Variants in PLPP5 observed in about 807,000 individuals in gnomAD.
PLPP5 encodes diacylglycerol pyrophosphate like 1.
A neutral mutation model predicts 23.6 loss-of-function variants in PLPP5; 29 were observed. The observed-to-expected ratio is 1.23, with a 90% CI of 0.92 to 1.68. PLPP5 has a LOEUF of 1.68. Ranked by LOEUF, PLPP5 falls within the 40% of genes most tolerant of loss-of-function variation. The pLI is 0.00. For missense variants in PLPP5, 315 were observed against 332.1 expected (o/e 0.95, Z 0.40); for synonymous variants, 143 against 131.3 (o/e 1.09, Z -0.61).
intron 3 of PLPP5, 133 bp downstream of exon 3, chr8:38,268,238 C>T: frequency 6.5e-6 from 7 of 1,075,494 alleles, no homozygotes; most frequent in Non-Finnish European, 9.2e-6. Context: ...CTATTTTCCT[C>T]TCCCGCGGGG....
chr8:38,267,262 C>A lies in PLPP5; in HGVS notation c.463+5G>T. 6.2e-7 allele frequency: 1 copy of A among 1,613,956 alleles called. No homozygotes were observed. The highest frequency in any genetic ancestry group is 8.5e-7 in the Non-Finnish European group (1 of 1,179,872). On this transcript the variant is annotated splice_donor_5th_base_variant and intron_variant, in intron 5 of 6. Transcript: ENST00000424479. The stretch of plus-strand genomic sequence containing the variant: ...CATAGGGTAGAGTCCATATGATATT[C>A]ATACAGGAAGAATGTCCACTGGGGA...
At position 38,264,359 on chromosome 8, in the gene PLPP5, C is replaced by T. The variant is rs1807267172; in HGVS notation, c.*85G>A. On this transcript the variant is annotated 3_prime_UTR_variant, in exon 7 of 7. Transcript: ENST00000424479. Reference sequence around the variant, plus strand: ...GTTCACCATGTTGGCCAGGCTGGTCCTGACCTCAGGTGATCCACCCTCCTC... The same window carrying T: ...GTTCACCATGTTGGCCAGGCTGGTCTTGACCTCAGGTGATCCACCCTCCTC... The T allele has an allele frequency of 1.8e-6, 2 of 1,131,712 alleles. No homozygotes were observed. The highest frequency in any genetic ancestry group is 1.2e-6 in the Non-Finnish European group (1 of 826,674). The allele number at this position is 1,131,712 out of a possible 1,614,324, so 70.1% of individuals were successfully genotyped here.
At position 38,268,476 on chromosome 8, in the gene PLPP5, CA is replaced by C; in HGVS notation, c.184-16del. 1 of 1,558,944 alleles carries C rather than the reference CA, an allele frequency of 6.4e-7. No homozygotes were observed. The highest frequency in any genetic ancestry group is 8.7e-7 in the Non-Finnish European group (1 of 1,151,248). Reference sequence around the variant, plus strand: ...AATGCAATAACCTGAATCAGAATGTCAGAGGTTAAAAACAATCCAAAAAAAA... The same window carrying C: ...AATGCAATAACCTGAATCAGAATGTCGAGGTTAAAAACAATCCAAAAAAAA... On this transcript the variant is annotated splice_polypyrimidine_tract_variant and intron_variant, in intron 2 of 6. Transcript: ENST00000424479.
At chr8:38,268,597 G>A in intron 2 of PLPP5, 136 bp from the exon 3 acceptor site, 7 of 1,454,644 alleles carry the variant, frequency 4.8e-6, no homozygotes, top group Non-Finnish European at 5.4e-6. Flanking sequence ...CCGGGCGCCA[G>A]GCAGCGCCAC....
Position 38,266,269 on chromosome 8 carries a change from C to T in PLPP5, c.506G>A (p.Gly169Glu), listed in dbSNP as rs779734896. The T allele has an allele frequency of 6.2e-7, 1 of 1,613,642 alleles. No individual in the cohort carries two copies. Among genetic ancestry groups the T allele is most frequent in the South Asian group, 1.1e-5 (1 of 90,976 alleles). The change falls in exon 6 of 7, where the codon GGG (glycine) becomes GAG (glutamate). Residue 169 changes from glycine (G) to glutamate (E), a missense_variant. Transcript: ENST00000424479. ...TTGTGGTGTGAAGCAGTGTAACTTC[C>T]CTGCCAGGTAGAAGGACGCAAAGGC... ...GLAFASFYLA[G>E]KLHCFTPQGR...
In PLPP5 at chr8:38,268,434, G is replaced by T. The variant is rs761365124; in HGVS notation, c.211C>A (p.Leu71Met). 1 of 1,575,138 alleles carries T rather than the reference G, an allele frequency of 6.3e-7. No homozygotes were observed. Among genetic ancestry groups the T allele is most frequent in the African/African-American group, 1.3e-5 (1 of 74,168 alleles). The change falls in exon 3 of 7, where the codon CTG becomes ATG. Residue 71 changes from leucine (L) to methionine (M), a missense_variant. Physicochemically the swap from Leu to Met is conservative, Grantham distance 15 (BLOSUM62 2). Coordinates refer to ENST00000424479, the MANE Select transcript of PLPP5 (RefSeq NM_001102559.2). Reference sequence around the variant, plus strand: ...TTGAGAAATTTGGCCAGGAAGATCAGAGACAGTGGAGAGAGAAATGCAATA... The same window carrying T: ...TTGAGAAATTTGGCCAGGAAGATCATAGACAGTGGAGAGAGAAATGCAATA... The part of the protein sequence containing the change: ...FVIAFLSPLS[L>M]IFLAKFLKKA...
Position 38,264,367 on chromosome 8 carries a change from A to C in PLPP5, c.*77T>G. 1.7e-6 allele frequency: 2 copies of C among 1,199,094 alleles called. No individual in the cohort carries two copies. The highest frequency in any genetic ancestry group is 2.3e-6 in the Non-Finnish European group (2 of 881,296). 74.3% of individuals were successfully genotyped at this position (1,199,094 alleles called of 1,614,324 possible). On this transcript the variant is annotated 3_prime_UTR_variant, in exon 7 of 7. Transcript: ENST00000424479. ...TGTTGGCCAGGCTGGTCCTGACCTC[A>C]GGTGATCCACCCTCCTCAGCCTCCC...
rs188339933 is a variant in PLPP5 at position 38,266,913 on chromosome 8, T to C, written c.463+354A>G. On this transcript the variant is annotated intron_variant, in intron 5 of 6. Coordinates refer to ENST00000424479, the MANE Select transcript of PLPP5 (RefSeq NM_001102559.2). ...CATAAATACAATAGTCCCCACCTCA[T>C]TGGATTATTGTGAGCTATAATTAGG... 6.1e-4 allele frequency: 301 copies of C among 496,510 alleles called. 5 individuals carry two copies. The Admixed American group carries it at 0.011, about 18-fold the overall frequency. The allele number at this position is 496,510 out of a possible 1,614,324, so 30.8% of individuals were successfully genotyped here.
rs902415410 is a variant in PLPP5 at position 38,268,090 on chromosome 8, T to C, written c.275-130A>G. On this transcript the variant is annotated intron_variant, in intron 3 of 6. Coordinates refer to ENST00000424479, the MANE Select transcript of PLPP5 (RefSeq NM_001102559.2). ...AACCAGGCCTGGGCACAAAAATAATTAGGGTCCTCAGTGATCACTCTTTTG... is the reference window on the plus strand; with the variant it reads ...AACCAGGCCTGGGCACAAAAATAATCAGGGTCCTCAGTGATCACTCTTTTG... 22 of 1,503,654 alleles carry C rather than the reference T, an allele frequency of 1.5e-5. 1 individual carries two copies. The African/African-American group carries it at 3.1e-4, about 21-fold the overall frequency. The allele number at this position is 1,503,654 out of a possible 1,614,324, so 93.1% of individuals were successfully genotyped here.
At chr8:38,266,421 G>A in intron 5 of PLPP5, 110 bp from the exon 6 acceptor site, 1 of 1,100,156 alleles carries the variant, frequency 9.1e-7, no homozygotes, top group Non-Finnish European at 1.3e-6. Flanking sequence ...TTTATTTTTT[G>A]AGACAGTCTT....
At chr8:38,264,722 C>G (rs1253066796) in intron 6 of PLPP5, 118 bp from the exon 7 acceptor site, 45 of 1,436,982 alleles carry the variant, frequency 3.1e-5, no homozygotes, top group Non-Finnish European at 3.9e-5. Flanking sequence ...AAAATAACCT[C>G]AATTCCAGAC....
intron 5 of PLPP5, chr8:38,266,935 T>A: frequency 1.4e-6 from 1 of 694,808 alleles, no homozygotes; most frequent in Non-Finnish European, 2.0e-6. Flanking sequence ...GAGCTATAAT[T>A]AGGTAAGAAA....
At chr8:38,268,204 C>T (rs1172695591) in intron 3 of PLPP5, 167 bp downstream of exon 3, 15 of 1,088,354 alleles carry the variant, frequency 1.4e-5, no homozygotes, top group Non-Finnish European at 1.9e-5. Context: ...GCCGTGTAGC[C>T]TGCGTAACCA....
intron 6 of PLPP5, chr8:38,264,970 T>C (rs1807354574): frequency 6.4e-7 from 1 of 1,557,020 alleles, no homozygotes; most frequent in African/African-American, 1.4e-5. Flanking sequence ...GAATAAAGTA[T>C]TTTAAGAGTT....
chr8:38,268,626 G>C (rs1353360370), intron 2 of PLPP5, 165 bp from the exon 3 acceptor site: 122 of 1,439,160 alleles, frequency 8.5e-5, no homozygotes, highest in Non-Finnish European at 1.1e-4. Context: ...AGCAGCGCCC[G>C]TGCGGCTCGG....
chr8:38,267,478 C>A, intron 4 of PLPP5, 87 bp from the exon 5 acceptor site: 1 of 1,512,112 alleles, frequency 6.6e-7, no homozygotes, highest in South Asian at 1.3e-5. Flanking sequence ...ATCCTGTTAA[C>A]TATTGGTCAA....
chr8:38,266,307 T>C lies in PLPP5; in HGVS notation c.468A>G (p.Ala156=), dbSNP rs763246162. The change falls in exon 6 of 7, where the codon GCA becomes GCG. Residue 156 remains alanine, a synonymous_variant. Transcript: ENST00000424479. ...KSFPSGHSSF[A]FAGLAFASFY... Reference sequence around the variant, plus strand: ...AGGACGCAAAGGCCAGACCAGCAAATGCAACTGGAACAAGAAAAACTTTTA... The same window carrying C: ...AGGACGCAAAGGCCAGACCAGCAAACGCAACTGGAACAAGAAAAACTTTTA... The C allele has an allele frequency of 6.2e-7, 1 of 1,611,472 alleles. No individual in the cohort carries two copies. Among genetic ancestry groups the C allele is most frequent in the South Asian group, 1.1e-5 (1 of 90,684 alleles).
rs761573701 is a variant in PLPP5 at position 38,266,185 on chromosome 8, A to G, written c.590T>C (p.Val197Ala). ...AFLSPLLFAA[V>A]IALSRTCDYK... ...GTCACATGTGCGGGACAGTGCAATC[A>G]CAGCTGCAAAAAGTAGAGGTGACAG... The change falls in exon 6 of 7, where the codon GTG becomes GCG. Residue 197 changes from valine (V) to alanine (A), a missense_variant. Val to Ala is a moderately conservative substitution (Grantham distance 64). Transcript: ENST00000424479. The G allele has an allele frequency of 5.6e-6, 9 of 1,614,032 alleles. No individual in the cohort carries two copies. Among genetic ancestry groups the G allele is most frequent in the Non-Finnish European group, 7.6e-6 (9 of 1,179,962 alleles).
chr8:38,265,991 T>C, intron 6 of PLPP5, 150 bp downstream of exon 6: 1 of 528,534 alleles, frequency 1.9e-6, no homozygotes, highest in Non-Finnish European at 3.1e-6. Flanking sequence ...TTTCCTATAA[T>C]TTTAAATGTA....
Sources: allele counts gnomAD v4.1 joint callset, GRCh38; gene constraint gnomAD v4.1.1; transcripts MANE v1.5; gene names NCBI Gene and HGNC (gene_info 2026-07-23, HGNC 2026-07-21).